Variants in EYA1 observed in about 807,000 individuals in gnomAD.
EYA1 encodes the protein protein phosphatase EYA1.
A neutral mutation model predicts 82.0 loss-of-function variants in EYA1; 16 were observed. The observed-to-expected ratio is 0.20, with a 90% CI of 0.13 to 0.30. EYA1 has a LOEUF of 0.30. Ranked by LOEUF, EYA1 falls within the 10% of genes least tolerant of loss-of-function variation. The probability of loss-of-function intolerance (pLI) is 1.00; values close to 1 mark genes in which losing one functional copy is unlikely to be tolerated. For missense variants in EYA1, 633 were observed against 730.7 expected, an observed-to-expected ratio of 0.87 and a Z score of 1.54; for synonymous variants, 261 against 264.4, an observed-to-expected ratio of 0.99 and a Z score of 0.12.
intron 2 of EYA1, among the ~76,000 whole-genome samples, chr8:71,441,249 A>G (rs1205694129): frequency 6.6e-6 from 1 of 152,312 alleles, no homozygotes; most frequent in Admixed American, 6.5e-5. Context: ...TAAGACAATT[A>G]AAACCACCCC....
intron 2 of EYA1, among the ~76,000 whole-genome samples, chr8:71,452,135 C>G (rs910798902): frequency 1.3e-5 from 2 of 152,220 alleles, no homozygotes; most frequent in Non-Finnish European, 2.9e-5. Context: ...CCACGCATGG[C>G]TTGGAGGGTC....
At chr8:71,271,414 G>T (rs1027839265) in intron 10 of EYA1, among the ~76,000 whole-genome samples, 1 of 152,084 alleles carries the variant, frequency 6.6e-6, no homozygotes, top group African/African-American at 2.4e-5. Context: ...TTAACAAGTG[G>T]ATTTTACCAA....
upstream of EYA1, among the ~76,000 whole-genome samples, chr8:71,366,059 G>T (rs1288982173): frequency 6.6e-6 from 1 of 151,998 alleles, no homozygotes; most frequent in East Asian, 1.9e-4. Context: ...ACTTCCTAAA[G>T]AGCACGTTGA....
intron 11 of EYA1, among the ~76,000 whole-genome samples, chr8:71,259,193 G>A (rs560057913): frequency 1.8e-4 from 27 of 152,206 alleles, no homozygotes; most frequent in Non-Finnish European, 3.1e-4. Flanking sequence ...AGCCAGAGCC[G>A]TATCACATTC....
chr8:71,461,744 T>C (rs1808376914), intron 2 of EYA1, among the ~76,000 whole-genome samples: 1 of 152,106 alleles, frequency 6.6e-6, no homozygotes, highest in Non-Finnish European at 1.5e-5. Context: ...GAGGATAGAA[T>C]AGCTCAGAGG....
chr8:71,480,052 T>C (rs1485773334), intron 2 of EYA1, among the ~76,000 whole-genome samples: 3 of 152,088 alleles, frequency 2.0e-5, no homozygotes, highest in African/African-American at 7.2e-5. Context: ...TTTTATTTCC[T>C]CATCTTGTTC....
intron 2 of EYA1, among the ~76,000 whole-genome samples, chr8:71,435,030 G>A (rs189973901): frequency 1.3e-5 from 2 of 151,950 alleles, no homozygotes; most frequent in African/African-American, 4.8e-5. Flanking sequence ...AAAAAAATAT[G>A]CAGTTCTGAA....
intron 2 of EYA1, chr8:71,403,501 T>C (rs1276620134): frequency 6.6e-6 from 1 of 152,184 alleles, no homozygotes; most frequent in Non-Finnish European, 1.5e-5. Flanking sequence ...ATACAGGCTA[T>C]GACCAAAACT....
intron 2 of EYA1, among the ~76,000 whole-genome samples, chr8:71,472,616 C>A (rs958713459): frequency 7.9e-5 from 12 of 151,652 alleles, no homozygotes; most frequent in African/African-American, 2.9e-4. Context: ...TTTTTCTTCA[C>A]AATAAGGAAA....
intron 9 of EYA1, among the ~76,000 whole-genome samples, chr8:71,289,109 G>C (rs895432741): frequency 6.6e-6 from 1 of 152,110 alleles, no homozygotes; most frequent in African/African-American, 2.4e-5. Context: ...AAAAAAGGAG[G>C]ACAAGATGCA....
At chr8:71,356,731 G>T (rs954135092) in intron 1 of EYA1, 12 of 1,226,460 alleles carry the variant, frequency 9.8e-6, no homozygotes, top group Non-Finnish European at 1.1e-5. Context: ...GTCAGGGGGG[G>T]AAGGCAGCCA....
chr8:71,360,637 T>C (rs1654428011), intron 1 of EYA1, among the ~76,000 whole-genome samples: 2 of 152,212 alleles, frequency 1.3e-5, no homozygotes, highest in South Asian at 4.1e-4. Context: ...TGCAAAAGCA[T>C]GACTGTACAT....
chr8:71,325,883 G>A (rs569435342), intron 4 of EYA1, among the ~76,000 whole-genome samples: 1 of 152,256 alleles, frequency 6.6e-6, no homozygotes, highest in South Asian at 2.1e-4. Context: ...TACCTTTTCT[G>A]TAATGGCATG....
chr8:71,526,083 T>C (rs982924900), intron 2 of EYA1, among the ~76,000 whole-genome samples: 4 of 152,064 alleles, frequency 2.6e-5, no homozygotes, highest in Non-Finnish European at 5.9e-5. Context: ...AAAGCACTTA[T>C]TGTGTGAAGA....
intron 3 of EYA1, among the ~76,000 whole-genome samples, chr8:71,346,836 T>G (rs1825794584): frequency 6.6e-6 from 1 of 152,212 alleles, no homozygotes; most frequent in Non-Finnish European, 1.5e-5. Flanking sequence ...AATCTGTTAA[T>G]GCATTGTAAA....
intron 2 of EYA1, among the ~76,000 whole-genome samples, chr8:71,437,459 G>C (rs1336156350): frequency 6.6e-6 from 1 of 151,828 alleles, no homozygotes; most frequent in East Asian, 1.9e-4. Context: ...AATGTGTCAG[G>C]TCACACATAG....
intron 2 of EYA1, among the ~76,000 whole-genome samples, chr8:71,474,716 T>C (rs990365456): frequency 2.0e-5 from 3 of 152,202 alleles, no homozygotes; most frequent in African/African-American, 7.2e-5. Flanking sequence ...GTCAAAGATA[T>C]ATAAAGATTA....
At chr8:71,225,618 T>C (rs567512201) in intron 12 of EYA1, among the ~76,000 whole-genome samples, 4 of 152,316 alleles carry the variant, frequency 2.6e-5, no homozygotes, top group Admixed American at 2.6e-4. Context: ...CTCAGCATAC[T>C]ATTGGTGCCA....
At chr8:71,543,481 T>A (rs572301493) in intron 1 of EYA1, among the ~76,000 whole-genome samples, 2 of 152,374 alleles carry the variant, frequency 1.3e-5, no homozygotes, top group African/African-American at 4.8e-5. Context: ...TCAACCTTTT[T>A]TTCCCAGTAC....
Sources: allele counts gnomAD v4.1 joint callset (sites outside exome capture counted in the v4.1 genomes callset), GRCh38; gene constraint gnomAD v4.1.1; transcripts MANE v1.5; gene names NCBI Gene and HGNC (gene_info 2026-07-23, HGNC 2026-07-21).